NYAP2: variants seen among roughly 807,000 people sequenced by gnomAD.
NYAP2 encodes the protein neuronal tyrosine-phosphorylated phosphoinositide-3-kinase adapter 2.
Under a neutral mutation model 50.4 loss-of-function variants are expected in NYAP2, and 23 were observed. The ratio of observed to expected loss-of-function variants is 0.46; its 90% CI spans 0.33 to 0.65. The LOEUF (loss-of-function observed/expected upper bound fraction) is 0.65. Among genes scored for constraint, NYAP2 ranks in the 30% least tolerant of loss-of-function variants. NYAP2 has a pLI of 0.02. For missense variants in NYAP2, 885 were observed against 861.0 expected, an observed-to-expected ratio of 1.03 and a Z score of -0.35; for synonymous variants, 394 against 365.2, an observed-to-expected ratio of 1.08 and a Z score of -0.90.
the NYAP2 span, among the ~76,000 whole-genome samples, chr2:225,682,925 T>A: frequency 6.6e-6 from 1 of 152,100 alleles, no homozygotes; most frequent in Non-Finnish European, 1.5e-5. Flanking sequence ...CTCTTGACAA[T>A]GGAAGCCATT....
intron 4 of NYAP2, among the ~76,000 whole-genome samples, chr2:225,564,870 C>T (rs1691936116): frequency 6.6e-6 from 1 of 152,080 alleles, no homozygotes; most frequent in African/African-American, 2.4e-5. Context: ...TGGCTCACTC[C>T]TATAATCCCA....
At chr2:225,612,460 C>T (rs915366837) in intron 5 of NYAP2, among the ~76,000 whole-genome samples, 3 of 152,010 alleles carry the variant, frequency 2.0e-5, no homozygotes, top group African/African-American at 4.8e-5. Context: ...CTTACACAAC[C>T]GTTGAGACCC....
intron 3 of NYAP2, among the ~76,000 whole-genome samples, chr2:225,470,977 G>A (rs1690005342): frequency 6.6e-6 from 1 of 151,988 alleles, no homozygotes; most frequent in Non-Finnish European, 1.5e-5. Context: ...TTTTTAGATG[G>A]CAATGTAAAA....
chr2:225,409,915 A>G (rs1293682600), intron 3 of NYAP2, among the ~76,000 whole-genome samples: 1 of 152,138 alleles, frequency 6.6e-6, no homozygotes, highest in Non-Finnish European at 1.5e-5. Context: ...GAATATAGGG[A>G]CTTAATCCAT....
chr2:225,679,568 C>G, the NYAP2 span, among the ~76,000 whole-genome samples: 4 of 135,380 alleles, frequency 3.0e-5, no homozygotes, highest in African/African-American at 5.5e-5. Context: ...GATCTCAGCT[C>G]ACTGCAGCCT....
intron 3 of NYAP2, among the ~76,000 whole-genome samples, chr2:225,418,276 C>T (rs561566738): frequency 3.6e-4 from 55 of 152,144 alleles, no homozygotes; most frequent in African/African-American, 1.2e-3. Context: ...GCAGGTGAGG[C>T]GGAGGTTAGA....
At chr2:225,506,308 C>T (rs1690705845) in intron 3 of NYAP2, among the ~76,000 whole-genome samples, 1 of 152,140 alleles carries the variant, frequency 6.6e-6, no homozygotes, top group Non-Finnish European at 1.5e-5. Flanking sequence ...TGTGACCAGC[C>T]ATTTGTACTC....
chr2:225,447,281 C>G (rs1317874285), intron 3 of NYAP2, among the ~76,000 whole-genome samples: 1 of 152,174 alleles, frequency 6.6e-6, no homozygotes, highest in Non-Finnish European at 1.5e-5. Flanking sequence ...ATTCTTATAA[C>G]CAATACTGCA....
chr2:225,674,033 A>G, the NYAP2 span, among the ~76,000 whole-genome samples: 1 of 152,170 alleles, frequency 6.6e-6, no homozygotes, highest in Non-Finnish European at 1.5e-5. Context: ...TGAGGAAGTC[A>G]GGTGAAGCCA....
chr2:225,528,379 C>T (rs1176751780), intron 4 of NYAP2, among the ~76,000 whole-genome samples: 1 of 152,042 alleles, frequency 6.6e-6, no homozygotes, highest in African/African-American at 2.4e-5. Context: ...TTTGTCTTTC[C>T]TTTGCTCCAC....
At chr2:225,455,974 T>C (rs764110458) in intron 3 of NYAP2, among the ~76,000 whole-genome samples, 8 of 152,204 alleles carry the variant, frequency 5.3e-5, no homozygotes, top group Non-Finnish European at 1.0e-4. Flanking sequence ...ATCATGTAAA[T>C]AGTTCTGGGA....
intron 4 of NYAP2, among the ~76,000 whole-genome samples, chr2:225,568,168 T>C (rs1691997136): frequency 6.6e-6 from 1 of 152,216 alleles, no homozygotes; most frequent in Non-Finnish European, 1.5e-5. Context: ...TTAAGTGTTT[T>C]ATATATTGCA....
intron 4 of NYAP2, among the ~76,000 whole-genome samples, chr2:225,537,920 G>A (rs1258507220): frequency 6.6e-6 from 1 of 152,176 alleles, no homozygotes; most frequent in African/African-American, 2.4e-5. Flanking sequence ...GGGAGACATT[G>A]GCCAAAACAA....
intron 3 of NYAP2, among the ~76,000 whole-genome samples, chr2:225,482,297 A>G (rs1436458267): frequency 1.3e-5 from 2 of 152,052 alleles, no homozygotes; most frequent in Admixed American, 6.6e-5. Flanking sequence ...CACCTCCTTT[A>G]TTCATGTGTG....
the NYAP2 span, among the ~76,000 whole-genome samples, chr2:225,670,588 A>C: frequency 2.8e-5 from 4 of 142,644 alleles, no homozygotes; most frequent in Admixed American, 7.4e-5. Context: ...TCCTGGGAAA[A>C]CGTCTTCAGT....
At chr2:225,645,928 T>C (rs1467993905) in intron 6 of NYAP2, among the ~76,000 whole-genome samples, 1 of 152,228 alleles carries the variant, frequency 6.6e-6, no homozygotes, top group Non-Finnish European at 1.5e-5. Context: ...GAGGCTTGAT[T>C]TGAATCTTTT....
chr2:225,467,523 C>A (rs1166322573), intron 3 of NYAP2, among the ~76,000 whole-genome samples: 2 of 152,130 alleles, frequency 1.3e-5, no homozygotes, highest in East Asian at 3.9e-4. Context: ...CATTAGTCAC[C>A]CAATCTACTT....
intron 3 of NYAP2, among the ~76,000 whole-genome samples, chr2:225,464,059 G>A (rs972256503): frequency 3.2e-4 from 48 of 152,186 alleles, no homozygotes; most frequent in African/African-American, 1.1e-3. Flanking sequence ...AGGATGTGGT[G>A]CATTCAGAGA....
chr2:225,503,693 A>T (rs1690647610), intron 3 of NYAP2, among the ~76,000 whole-genome samples: 1 of 152,188 alleles, frequency 6.6e-6, no homozygotes, highest in Admixed American at 6.5e-5. Flanking sequence ...TTCGTGATAA[A>T]TAAGTTGTGT....
Sources: gnomAD v4.1 joint callset for allele counts (sites outside exome capture counted in the v4.1 genomes callset) on GRCh38, gnomAD v4.1.1 for gene constraint, MANE v1.5 for transcripts, NCBI Gene and HGNC (gene_info 2026-07-23, HGNC 2026-07-21) for gene names.